Variants in SKAP1 observed in about 807,000 individuals in gnomAD.
The protein encoded by SKAP1 is src kinase-associated phosphoprotein 1.
SKAP1 carries 44 observed loss-of-function variants against 58.5 expected under a neutral mutation model. The observed-to-expected ratio is 0.75, with a 90% CI of 0.59 to 0.97. The LOEUF is 0.97. Among genes scored for constraint, SKAP1 ranks in the 50% least tolerant of loss-of-function variants. SKAP1 has a pLI of 0.00. For missense variants in SKAP1, 390 were observed against 435.2 expected, an observed-to-expected ratio of 0.90 and a Z score of 0.92; for synonymous variants, 127 against 149.7, an observed-to-expected ratio of 0.85 and a Z score of 1.11.
At chr17:48,346,539 G>A (rs1021042586) in intron 3 of SKAP1, among the ~76,000 whole-genome samples, 1 of 151,852 alleles carries the variant, frequency 6.6e-6, no homozygotes, top group Admixed American at 6.6e-5. Context: ...CAGGAGAATC[G>A]CTTGAACCCG....
chr17:48,217,263 T>C (rs1438486108), intron 4 of SKAP1, among the ~76,000 whole-genome samples: 2 of 152,074 alleles, frequency 1.3e-5, no homozygotes, highest in Non-Finnish European at 2.9e-5. Context: ...GAGTGAGACC[T>C]GCCCTCTCAG....
chr17:48,153,678 T>G (rs2063932106), intron 11 of SKAP1, among the ~76,000 whole-genome samples: 1 of 152,022 alleles, frequency 6.6e-6, no homozygotes, highest in African/African-American at 2.4e-5. Flanking sequence ...CAGAGGTGCA[T>G]AATAGCTCTT....
chr17:48,387,465 C>T (rs1336958021), intron 2 of SKAP1, among the ~76,000 whole-genome samples: 1 of 152,166 alleles, frequency 6.6e-6, no homozygotes, highest in Non-Finnish European at 1.5e-5. Flanking sequence ...ATCTCCAGTC[C>T]TCTTAGAACT....
intron 4 of SKAP1, among the ~76,000 whole-genome samples, chr17:48,285,724 A>G (rs1291949189): frequency 6.6e-6 from 1 of 152,108 alleles, no homozygotes; most frequent in East Asian, 1.9e-4. Flanking sequence ...TTTCTCCACC[A>G]GAAATCATAA....
intron 2 of SKAP1, among the ~76,000 whole-genome samples, chr17:48,384,284 C>T (rs2067250680): frequency 6.6e-6 from 1 of 152,040 alleles, no homozygotes; most frequent in South Asian, 2.1e-4. Context: ...CAGGATTTTG[C>T]CTTGGGAGCC....
intron 11 of SKAP1, among the ~76,000 whole-genome samples, chr17:48,158,743 G>C (rs1265221116): frequency 6.6e-6 from 1 of 151,642 alleles, no homozygotes; most frequent in Non-Finnish European, 1.5e-5. Context: ...GGCGGATCAC[G>C]AGGTCAGGAG....
At chr17:48,150,891 C>T (rs952635881) in intron 11 of SKAP1, among the ~76,000 whole-genome samples, 1 of 152,192 alleles carries the variant, frequency 6.6e-6, no homozygotes, top group Non-Finnish European at 1.5e-5. Flanking sequence ...CAAGTTCTGC[C>T]TAAGATGTCC....
At chr17:48,184,970 T>C (rs769447101) in intron 6 of SKAP1, 123 bp from the exon 7 acceptor site, 147 of 911,340 alleles carry the variant, frequency 1.6e-4, no homozygotes, top group Non-Finnish European at 1.8e-4. Flanking sequence ...ACCACAATAG[T>C]CAAGGAAAGG....
rs1288481666 is a variant in SKAP1, at chr17:48,137,211, T to C, written c.*7+18A>G. 6 of 1,525,400 alleles carry C rather than the reference T, an allele frequency of 3.9e-6. No homozygotes were observed. In the South Asian group the frequency reaches 6.7e-5, roughly 17 times the overall value. 94.5% of individuals were successfully genotyped at this position (1,525,400 alleles called of 1,614,324 possible). On this transcript the variant is annotated intron_variant, in intron 12 of 12. Coordinates refer to ENST00000336915, the MANE Select transcript of SKAP1 (RefSeq NM_003726.4). ...TCCACTCAACTATTAGGCAGTTCAT[T>C]GGCCATGGTTCTGATACCTGGGTTT...
intron 2 of SKAP1, among the ~76,000 whole-genome samples, chr17:48,384,957 C>T (rs550923933): frequency 6.6e-6 from 1 of 152,078 alleles, no homozygotes; most frequent in East Asian, 1.9e-4. Context: ...AAAGAGAAAA[C>T]CCTGAGGAAC....
intron 4 of SKAP1, among the ~76,000 whole-genome samples, chr17:48,287,556 A>C (rs1340005507): frequency 6.6e-6 from 1 of 152,190 alleles, no homozygotes; most frequent in Non-Finnish European, 1.5e-5. Context: ...GTAAGAAAGA[A>C]AAAAAAGGAG....
At chr17:48,232,675 G>A (rs2065138454) in intron 4 of SKAP1, among the ~76,000 whole-genome samples, 2 of 152,144 alleles carry the variant, frequency 1.3e-5, no homozygotes, top group African/African-American at 4.8e-5. Flanking sequence ...GAGTCCACTT[G>A]ATTGCTACAG....
chr17:48,410,934 CA>C (rs61705374), intron 1 of SKAP1, among the ~76,000 whole-genome samples: 6,579 of 66,746 alleles, frequency 0.099, 94 homozygotes, highest in East Asian at 0.25. Flanking sequence ...GACTCCATTT[CA>C]AAAAAAAAAA....
intron 4 of SKAP1, among the ~76,000 whole-genome samples, chr17:48,225,251 A>G (rs1046651716): frequency 2.0e-5 from 3 of 152,218 alleles, no homozygotes; most frequent in African/African-American, 7.2e-5. Context: ...AGCTCTTGGC[A>G]CACACAGTAG....
At chr17:48,343,631 T>C (rs2066685557) in intron 4 of SKAP1, among the ~76,000 whole-genome samples, 1 of 152,230 alleles carries the variant, frequency 6.6e-6, no homozygotes, top group South Asian at 2.1e-4. Context: ...ACTCCTCTTA[T>C]GAGTTTTGCA....
chr17:48,367,238 T>G (rs1271166752), intron 2 of SKAP1, among the ~76,000 whole-genome samples: 1 of 152,136 alleles, frequency 6.6e-6, no homozygotes, highest in Non-Finnish European at 1.5e-5. Flanking sequence ...AAGTAGTAGG[T>G]CCATCTAGTT....
chr17:48,221,165 G>A (rs894294229), intron 4 of SKAP1, among the ~76,000 whole-genome samples: 3 of 151,910 alleles, frequency 2.0e-5, no homozygotes, highest in African/African-American at 7.3e-5. Flanking sequence ...TACTCAGGAG[G>A]CTGAGGCAGG....
At chr17:48,436,728 T>A in the SKAP1 span, among the ~76,000 whole-genome samples, 1 of 152,004 alleles carries the variant, frequency 6.6e-6, no homozygotes, top group Non-Finnish European at 1.5e-5. Flanking sequence ...CCCCATCAAC[T>A]TCCTCCATCA....
At chr17:48,139,289 C>T (rs2063739908) in intron 11 of SKAP1, among the ~76,000 whole-genome samples, 2 of 143,232 alleles carry the variant, frequency 1.4e-5, no homozygotes, top group Non-Finnish European at 3.1e-5. Context: ...TCAAGCGATT[C>T]TTCTGCTTCA....
Sources: gnomAD v4.1 joint callset for allele counts (sites outside exome capture counted in the v4.1 genomes callset) on GRCh38, gnomAD v4.1.1 for gene constraint, MANE v1.5 for transcripts, NCBI Gene and HGNC (gene_info 2026-07-23, HGNC 2026-07-21) for gene names.